The following MTA3 variants were observed in gnomAD, a reference collection of about 807,000 sequenced individuals.
MTA3 encodes metastasis-associated protein MTA3.
Under a neutral mutation model 83.5 loss-of-function variants are expected in MTA3, and 34 were observed. The ratio of observed to expected loss-of-function variants is 0.41; its 90% CI spans 0.31 to 0.54. MTA3 has a LOEUF of 0.54. MTA3 is among the 20% of genes least tolerant of loss of function. The pLI is 0.33. For missense variants in MTA3, 761 were observed against 726.4 expected, an observed-to-expected ratio of 1.05 and a Z score of -0.55; for synonymous variants, 303 against 252.7, an observed-to-expected ratio of 1.20 and a Z score of -1.89.
At chr2:42,616,015 C>T (rs1450266570) in intron 4 of MTA3, among the ~76,000 whole-genome samples, 1 of 149,348 alleles carries the variant, frequency 6.7e-6, no homozygotes, top group Non-Finnish European at 1.5e-5. Context: ...CCACCGTGCC[C>T]GGCCGTACAG....
At chr2:42,515,534 GCT>G (rs1558407807) in intron 2 of MTA3, among the ~76,000 whole-genome samples, 1 of 150,462 alleles carries the variant, frequency 6.6e-6, no homozygotes, top group East Asian at 2.0e-4. Context: ...ATGGATTCTC[GCT>G]CTCTCTCCCA....
At chr2:42,669,152 T>C (rs1413043687) in intron 8 of MTA3, among the ~76,000 whole-genome samples, 1 of 151,560 alleles carries the variant, frequency 6.6e-6, no homozygotes, top group Non-Finnish European at 1.5e-5. Flanking sequence ...TGGTTAGTTC[T>C]TGGCTCACTG....
chr2:42,509,096 G>C (rs2103662930), intron 2 of MTA3, among the ~76,000 whole-genome samples: 1 of 152,048 alleles, frequency 6.6e-6, no homozygotes, highest in East Asian at 1.9e-4. Flanking sequence ...AGGCTGGAGT[G>C]CAGTGGCGTG....
chr2:42,559,471 C>T (rs189552551), intron 2 of MTA3, among the ~76,000 whole-genome samples: 3 of 150,814 alleles, frequency 2.0e-5, no homozygotes, highest in Admixed American at 6.6e-5. Context: ...CACAACACTC[C>T]AGCCTAGGCA....
At chr2:42,576,314 C>G (rs769638515) in intron 2 of MTA3, among the ~76,000 whole-genome samples, 3 of 152,100 alleles carry the variant, frequency 2.0e-5, no homozygotes, top group Non-Finnish European at 4.4e-5. Context: ...TAGGGTGGAA[C>G]AGGACATTGA....
intron 3 of MTA3, among the ~76,000 whole-genome samples, chr2:42,581,190 C>A (rs2103879170): frequency 6.6e-6 from 1 of 152,172 alleles, no homozygotes; most frequent in African/African-American, 2.4e-5. Flanking sequence ...TGAGTTCTGT[C>A]ACGTTTACAA....
chr2:42,703,774 CA>C (rs1665812639), intron 11 of MTA3: 1 of 156,548 alleles, frequency 6.4e-6, no homozygotes, highest in African/African-American at 2.4e-5. Flanking sequence ...CCTGTAATCC[CA>C]GCTACTAGGG....
rs1678102759 is a variant in MTA3, at chr2:42,568,787, G to A, written c.28+14G>A. On this transcript the variant is annotated intron_variant, in intron 1 of 16. Transcript: ENST00000405094. ...ACCGGGTCGGAGGTAGGCAGGCTCGGCCCGACCCGGCCCGTGTGGGAGCGG... is the reference window on the plus strand; with the variant it reads ...ACCGGGTCGGAGGTAGGCAGGCTCGACCCGACCCGGCCCGTGTGGGAGCGG... 4.1e-6 allele frequency: 5 copies of A among 1,215,094 alleles called. No homozygotes were observed. Among genetic ancestry groups the A allele is most frequent in the Non-Finnish European group, 5.1e-6 (5 of 977,006 alleles). 75.3% of individuals were successfully genotyped at this position (1,215,094 alleles called of 1,614,324 possible).
intron 2 of MTA3, among the ~76,000 whole-genome samples, chr2:42,559,115 A>G (rs1677539705): frequency 6.6e-6 from 1 of 152,102 alleles, no homozygotes; most frequent in Admixed American, 6.6e-5. Context: ...TTGTATCTCT[A>G]GTCTAGGCCT....
chr2:42,745,531 T>A (rs1669342058), intron 16 of MTA3, among the ~76,000 whole-genome samples: 2 of 152,268 alleles, frequency 1.3e-5, no homozygotes, highest in South Asian at 4.1e-4. Context: ...TCAACCTTTT[T>A]AAAAAATAGT....
intron 16 of MTA3, among the ~76,000 whole-genome samples, chr2:42,732,288 C>G (rs1668285517): frequency 6.6e-6 from 1 of 152,228 alleles, no homozygotes; most frequent in African/African-American, 2.4e-5. Flanking sequence ...ATGGAGGCCC[C>G]CAAACCTCAA....
At position 42,756,489 on chromosome 2, in the gene MTA3, G is replaced by T. The variant is rs113771070; in HGVS notation, c.*3090G>T. The T allele has an allele frequency of 1.1e-3, 1,085 of 985,594 alleles. 15 individuals are homozygous for T. The African/African-American group carries it at 0.016, about 14-fold the overall frequency. The allele number at this position is 985,594 out of a possible 1,614,324, so 61.1% of individuals were successfully genotyped here. ...GCAGGTGGGGCTGTGCGTGGCCTCAGTGCACTCGGTGTCATGTCTGAGCCT... is the reference window on the plus strand; with the variant it reads ...GCAGGTGGGGCTGTGCGTGGCCTCATTGCACTCGGTGTCATGTCTGAGCCT... On this transcript the variant is annotated 3_prime_UTR_variant, in exon 17 of 17. Transcript: ENST00000405094.
intron 14 of MTA3, among the ~76,000 whole-genome samples, chr2:42,711,771 GGAGAGAGA>G (rs111819056): frequency 2.0e-3 from 87 of 44,600 alleles, no homozygotes; most frequent in South Asian, 0.016. Flanking sequence ...GGAGTGTATA[GGAGAGAGA>G]GAGAGTGTGT....
intron 16 of MTA3, among the ~76,000 whole-genome samples, chr2:42,745,670 G>C (rs1053017844): frequency 6.6e-6 from 1 of 152,036 alleles, no homozygotes; most frequent in Non-Finnish European, 1.5e-5. Context: ...ACAGATATGA[G>C]CCACTGCACC....
chr2:42,580,310 G>T (rs1679474761), intron 3 of MTA3, among the ~76,000 whole-genome samples: 1 of 151,652 alleles, frequency 6.6e-6, no homozygotes, highest in Non-Finnish European at 1.5e-5. Context: ...TTTCAGTTCA[G>T]GGGTACCTGT....
chr2:42,704,236 G>T lies in MTA3; in HGVS notation c.1068G>T (p.Lys356Asn). 6.2e-7 allele frequency: 1 copy of T among 1,613,974 alleles called. No homozygotes were observed. Among genetic ancestry groups the T allele is most frequent in the Non-Finnish European group, 8.5e-7 (1 of 1,179,856 alleles). The change falls in exon 12 of 17, where the codon AAG (lysine) becomes AAT (asparagine). Residue 356 changes from lysine (K) to asparagine (N), a missense_variant. Coordinates refer to ENST00000405094, the MANE Select transcript of MTA3 (RefSeq NM_001330442.2). ...ACCAAATATCCACTAGTAATGGGAA[G>T]CCTGGTGCTGTGAATGGAGCTGTGG... ...NPNQISTSNG[K>N]PGAVNGAVGT... is the part of the protein sequence containing the mutation.
intron 16 of MTA3, among the ~76,000 whole-genome samples, chr2:42,746,811 C>A (rs1395681496): frequency 6.6e-6 from 1 of 152,224 alleles, no homozygotes; most frequent in Non-Finnish European, 1.5e-5. Context: ...GGCACACCAC[C>A]CTCCAGGAAC....
At position 42,672,645 on chromosome 2, in the gene MTA3, C is replaced by CA. The variant is rs5830734; in HGVS notation, c.703-9727dup. On this transcript the variant is annotated intron_variant, in intron 8 of 16. Coordinates refer to ENST00000405094, the MANE Select transcript of MTA3 (RefSeq NM_001330442.2). ...GGGTCACAGAGCAAGATTCCATCTC[C>CA]AAAAAAAAAAAAAAAAAAAAAAAAA... is the stretch of plus-strand genomic sequence containing the variant. Among the ~76,000 whole-genome samples the CA allele has an allele frequency of 5.1e-3, 261 of 51,550 alleles. 11 individuals carry two copies. The highest frequency in any genetic ancestry group is 6.2e-3 in the Non-Finnish European group (196 of 31,852). 33.8% of individuals were successfully genotyped at this position (51,550 alleles called of 152,430 possible).
chr2:42,750,398 G>T (rs1350481177), intron 16 of MTA3, among the ~76,000 whole-genome samples: 1 of 101,502 alleles, frequency 9.9e-6, no homozygotes, highest in African/African-American at 4.5e-5. Context: ...GCTGTTAGAG[G>T]GTCTTTGTTT....
Sources: allele counts gnomAD v4.1 joint callset (sites outside exome capture counted in the v4.1 genomes callset), GRCh38; gene constraint gnomAD v4.1.1; transcripts MANE v1.5; gene names NCBI Gene and HGNC (gene_info 2026-07-23, HGNC 2026-07-21).